The following MYH11 variants were observed in gnomAD, a reference collection of about 807,000 sequenced individuals.
MYH11 encodes myosin heavy chain 11, also known as myosin-11.
MYH11 carries 80 observed loss-of-function variants against 246.6 expected under a neutral mutation model. The observed-to-expected ratio is 0.32, with a 90% CI of 0.27 to 0.39. The LOEUF is 0.39. MYH11 is among the 10% of genes least tolerant of loss of function. The pLI, the probability that MYH11 is intolerant of heterozygous loss-of-function variation, is 1.00. For synonymous variants in MYH11, 1,071 were observed against 1,015.5 expected (o/e 1.05, Z -1.04); for missense variants, 2,158 against 2,546.8 (o/e 0.85, Z 3.29).
At chr16:15,828,154 T>G (rs150447749) in intron 2 of MYH11, among the ~76,000 whole-genome samples, 120 of 152,284 alleles carry the variant, frequency 7.9e-4, no homozygotes, top group African/African-American at 2.8e-3. Flanking sequence ...CCTGGGCAAG[T>G]CCCTTAACCT....
intron 4 of MYH11, among the ~76,000 whole-genome samples, chr16:15,797,107 C>T (rs963409970): frequency 1.3e-5 from 2 of 152,178 alleles, no homozygotes; most frequent in Non-Finnish European, 2.9e-5. Flanking sequence ...ACTTCTCCTT[C>T]CATCCCAACT....
intron 3 of MYH11, among the ~76,000 whole-genome samples, chr16:15,815,680 A>G (rs1283174085): frequency 6.6e-6 from 1 of 152,218 alleles, no homozygotes; most frequent in Non-Finnish European, 1.5e-5. Context: ...TTGGGCCACT[A>G]AGTGTCCAGG....
intron 19 of MYH11, among the ~76,000 whole-genome samples, chr16:15,746,326 G>C (rs550827059): frequency 6.6e-6 from 1 of 152,092 alleles, no homozygotes; most frequent in Non-Finnish European, 1.5e-5. Context: ...ATTGAGAAAC[G>C]ATAGAACAGT....
At chr16:15,801,396 C>T (rs2042881194) in intron 3 of MYH11, among the ~76,000 whole-genome samples, 1 of 152,016 alleles carries the variant, frequency 6.6e-6, no homozygotes, top group African/African-American at 2.4e-5. Context: ...TGGTTCATGC[C>T]TGTAATCTCA....
chr16:15,754,321 A>G (rs942601590), intron 14 of MYH11, among the ~76,000 whole-genome samples: 1 of 152,206 alleles, frequency 6.6e-6, no homozygotes, highest in Non-Finnish European at 1.5e-5. Context: ...TATACAGAAA[A>G]AGGACATATA....
rs1172419316 is a variant in MYH11, at chr16:15,842,263, A to G, written c.-17-3994T>C. Reference sequence around the variant, plus strand: ...TTGCTGGGCGTGGTAGCATGCGCCTACAATCCCAGCTACTCGGGAGGCTGA... The same window carrying G: ...TTGCTGGGCGTGGTAGCATGCGCCTGCAATCCCAGCTACTCGGGAGGCTGA... On this transcript the variant is annotated intron_variant, in intron 1 of 40. Transcript: ENST00000300036. 2.0e-5 allele frequency among the ~76,000 whole-genome samples: 3 copies of G among 152,140 alleles called. No homozygotes were observed. The South Asian group carries it at 6.2e-4, about 32-fold the overall frequency.
intron 36 of MYH11, chr16:15,718,906 T>C (rs964931920): frequency 7.1e-6 from 3 of 423,432 alleles, no homozygotes; most frequent in Middle Eastern, 7.4e-4. Context: ...GGTAGGAGGA[T>C]CACCTAAGGT....
At chr16:15,802,817 T>C (rs1455474636) in intron 3 of MYH11, among the ~76,000 whole-genome samples, 1 of 152,094 alleles carries the variant, frequency 6.6e-6, no homozygotes, top group Non-Finnish European at 1.5e-5. Flanking sequence ...GAGGTCATCC[T>C]GGCTTGGAGT....
intron 5 of MYH11, chr16:15,784,651 A>C (rs1307487857): frequency 1.2e-6 from 2 of 1,606,928 alleles, no homozygotes; most frequent in Non-Finnish European, 1.7e-6. Context: ...ATCTAAGTTC[A>C]CTCCGTGCCT....
intron 38 of MYH11, 150 bp downstream of exon 38, chr16:15,716,990 A>T: frequency 1.1e-6 from 1 of 914,208 alleles, no homozygotes; most frequent in Non-Finnish European, 1.8e-6. Context: ...GTTTACGTTC[A>T]GTTCTCACAA....
At chr16:15,730,370 A>G (rs1330165012) in intron 27 of MYH11, among the ~76,000 whole-genome samples, 1 of 89,012 alleles carries the variant, frequency 1.1e-5, no homozygotes, top group East Asian at 2.4e-4. Context: ...CATCTCTACT[A>G]AAAAAAAAAA....
chr16:15,741,382 T>A (rs2041266702), intron 22 of MYH11, 81 bp downstream of exon 22: 1 of 1,457,736 alleles, frequency 6.9e-7, no homozygotes, highest in Non-Finnish European at 9.5e-7. Flanking sequence ...GGGACACATA[T>A]CCCTGGATGC....
chr16:15,767,307 G>A (rs942939457), intron 9 of MYH11, among the ~76,000 whole-genome samples: 2 of 152,078 alleles, frequency 1.3e-5, no homozygotes, highest in African/African-American at 2.4e-5. Context: ...TCTGCAAAAC[G>A]GAGATGGTAA....
chr16:15,716,279 G>C (rs1028175513), intron 38 of MYH11, among the ~76,000 whole-genome samples: 1 of 152,040 alleles, frequency 6.6e-6, no homozygotes, highest in African/African-American at 2.4e-5. Flanking sequence ...AATGACTGTG[G>C]TGATCGTTTT....
intron 9 of MYH11, among the ~76,000 whole-genome samples, chr16:15,769,271 G>T (rs529613505): frequency 2.6e-5 from 4 of 152,200 alleles, no homozygotes; most frequent in African/African-American, 9.6e-5. Context: ...AGCCGAGGTC[G>T]TGCCACTGCA....
At chr16:15,838,372 TC>T (rs2043963149) in intron 1 of MYH11, 103 bp from the exon 2 acceptor site, 1 of 876,436 alleles carries the variant, frequency 1.1e-6, no homozygotes, top group Non-Finnish European at 1.8e-6. Flanking sequence ...TGCAGAGACA[TC>T]CCACCAAGTA....
Position 15,759,369 on chromosome 16 carries a change from A to C in MYH11, c.1401+207T>G, listed in dbSNP as rs79991384. 9.1e-3 allele frequency among the ~76,000 whole-genome samples: 1,379 copies of C among 152,188 alleles called. 25 individuals are homozygous for C. The highest frequency in any genetic ancestry group is 0.032 in the African/African-American group (1,340 of 41,510). ...CAGACCCTGCCTACGGGATCCAGCT[A>C]CATGTCTGGCCTTCTCAGTTCCAGA... is the stretch of plus-strand genomic sequence containing the variant. On this transcript the variant is annotated intron_variant, in intron 12 of 40. Coordinates refer to ENST00000300036, the MANE Select transcript of MYH11 (RefSeq NM_002474.3).
chr16:15,709,289 C>T (rs1052695550), intron 40 of MYH11, among the ~76,000 whole-genome samples: 3 of 151,586 alleles, frequency 2.0e-5, no homozygotes, highest in Admixed American at 1.3e-4. Context: ...AATCACCTGA[C>T]GCCAAGAGCA....
Position 15,703,951 on chromosome 16 carries a change from T to G in MYH11, c.*40A>C, listed in dbSNP as rs544941741. 2.6e-5 allele frequency: 42 copies of G among 1,613,668 alleles called. No homozygotes were observed. The highest frequency in any genetic ancestry group is 1.7e-4 in the Admixed American group (10 of 59,998). ...TTTTTTTTGTTTGTTTGTTTTGGTT[T>G]TTGGTTTTCTTGCCGTGGTGCAAAA... On this transcript the variant is annotated 3_prime_UTR_variant, in exon 41 of 41. Coordinates refer to ENST00000300036, the MANE Select transcript of MYH11 (RefSeq NM_002474.3).
Sources: allele counts gnomAD v4.1 joint callset (sites outside exome capture counted in the v4.1 genomes callset), GRCh38; gene constraint gnomAD v4.1.1; transcripts MANE v1.5; gene names NCBI Gene and HGNC (gene_info 2026-07-23, HGNC 2026-07-21).